The following NSMCE2 variants were observed in gnomAD, a reference collection of about 807,000 sequenced individuals.
The protein encoded by NSMCE2 is NSE2 SUMO ligase component of SMC5/6 complex.
NSMCE2 carries 24 observed loss-of-function variants against 23.8 expected under a neutral mutation model. That is an observed-to-expected ratio of 1.01 (90% CI 0.73 to 1.42). NSMCE2 has a LOEUF of 1.42. Among genes scored for constraint, NSMCE2 ranks in the 40% most tolerant of loss-of-function variants. The pLI is 0.00. For missense variants in NSMCE2, 284 were observed against 296.5 expected (o/e 0.96, Z 0.31); for synonymous variants, 92 against 94.1 (o/e 0.98, Z 0.13).
chr8:125,275,007 TA>T (rs1370032040), intron 5 of NSMCE2, among the ~76,000 whole-genome samples: 107 of 82,216 alleles, frequency 1.3e-3, no homozygotes, highest in African/African-American at 5.2e-3. Context: ...ATGATAATAA[TA>T]ATAATAATAA....
At chr8:125,273,536 C>T (rs995053314) in intron 5 of NSMCE2, among the ~76,000 whole-genome samples, 4 of 152,186 alleles carry the variant, frequency 2.6e-5, no homozygotes, top group African/African-American at 7.2e-5. Flanking sequence ...CTTCCTACAG[C>T]GTCCTAAATT....
intron 7 of NSMCE2, among the ~76,000 whole-genome samples, chr8:125,365,716 G>A (rs1412085755): frequency 1.3e-5 from 2 of 152,076 alleles, no homozygotes; most frequent in Non-Finnish European, 2.9e-5. Flanking sequence ...AATTAGCCAG[G>A]CATGGTGGCA....
chr8:125,123,377 T>C (rs1819359707), intron 3 of NSMCE2, among the ~76,000 whole-genome samples: 1 of 152,240 alleles, frequency 6.6e-6, no homozygotes, highest in Non-Finnish European at 1.5e-5. Context: ...GCACCTTCTC[T>C]CTGAAATATA....
chr8:125,245,604 T>TA (rs933127560), intron 5 of NSMCE2, among the ~76,000 whole-genome samples: 88 of 151,252 alleles, frequency 5.8e-4, no homozygotes, highest in African/African-American at 1.8e-3. Context: ...AGGAAAAATC[T>TA]AAAAAAAATA....
intron 5 of NSMCE2, among the ~76,000 whole-genome samples, chr8:125,262,426 A>AAAAT (rs1036908605): frequency 6.6e-6 from 1 of 152,204 alleles, no homozygotes; most frequent in Admixed American, 6.5e-5. Flanking sequence ...TCCCTCTCAA[A>AAAAT]AAATAAATAA....
intron 5 of NSMCE2, among the ~76,000 whole-genome samples, chr8:125,333,703 C>T (rs546246281): frequency 2.4e-4 from 37 of 151,340 alleles, no homozygotes; most frequent in Non-Finnish European, 4.1e-4. Flanking sequence ...TTAGTAGAGA[C>T]GGGGTTTCAC....
At chr8:125,146,021 T>C (rs908688698) in intron 3 of NSMCE2, among the ~76,000 whole-genome samples, 1 of 152,198 alleles carries the variant, frequency 6.6e-6, no homozygotes, top group African/African-American at 2.4e-5. Context: ...GAAAAATAAT[T>C]TTCTTTTTGT....
intron 5 of NSMCE2, among the ~76,000 whole-genome samples, chr8:125,219,420 A>C (rs1486603439): frequency 6.6e-6 from 1 of 152,188 alleles, no homozygotes; most frequent in Non-Finnish European, 1.5e-5. Context: ...GTACTTTAAA[A>C]GCAAAAATAG....
chr8:125,313,234 AAG>A (rs1478102391), intron 5 of NSMCE2, among the ~76,000 whole-genome samples: 5 of 148,814 alleles, frequency 3.4e-5, no homozygotes, highest in Non-Finnish European at 7.5e-5. Context: ...AAAAAGAAGA[AAG>A]AAAGAAAGAA....
At chr8:125,094,203 AT>A (rs1817819642) in intron 1 of NSMCE2, among the ~76,000 whole-genome samples, 1 of 152,186 alleles carries the variant, frequency 6.6e-6, no homozygotes, top group Non-Finnish European at 1.5e-5. Context: ...TAATTTATTC[AT>A]TTATTGACTA....
intron 5 of NSMCE2, among the ~76,000 whole-genome samples, chr8:125,206,055 A>C (rs184232760): frequency 8.7e-4 from 132 of 152,324 alleles, no homozygotes; most frequent in African/African-American, 3.2e-3. Flanking sequence ...GAGCTTTGTG[A>C]AAATTATCTA....
chr8:125,170,569 G>A (rs1215922714), intron 4 of NSMCE2, among the ~76,000 whole-genome samples: 2 of 151,380 alleles, frequency 1.3e-5, no homozygotes, highest in South Asian at 2.1e-4. Flanking sequence ...CACCATGCCC[G>A]ACTAACTTTT....
At chr8:125,193,043 T>A (rs1453501289) in intron 5 of NSMCE2, among the ~76,000 whole-genome samples, 2 of 152,234 alleles carry the variant, frequency 1.3e-5, no homozygotes, top group East Asian at 3.8e-4. Context: ...AGGCTAGTTA[T>A]GTAAAATATG....
chr8:125,148,286 C>T lies in NSMCE2; in HGVS notation c.158-2885C>T, dbSNP rs563502420. 4.6e-5 allele frequency among the ~76,000 whole-genome samples: 7 copies of T among 152,270 alleles called. No individual in the cohort carries two copies. The South Asian group carries it at 1.5e-3, about 32-fold the overall frequency. ...CAAGCCTTGCCCATTTCCTCCTTTG[C>T]AGGAAGGTCTCTTTGGCCTTGAACC... On this transcript the variant is annotated intron_variant, in intron 3 of 7. Transcript: ENST00000287437.
At chr8:125,338,793 T>C (rs1190335922) in intron 5 of NSMCE2, among the ~76,000 whole-genome samples, 1 of 152,226 alleles carries the variant, frequency 6.6e-6, no homozygotes, top group Non-Finnish European at 1.5e-5. Flanking sequence ...GTAATAAATA[T>C]GGTATGCATG....
chr8:125,351,594 CTTGT>C (rs1813037708), intron 5 of NSMCE2, among the ~76,000 whole-genome samples: 1 of 152,132 alleles, frequency 6.6e-6, no homozygotes, highest in Non-Finnish European at 1.5e-5. Context: ...GACTAGTTTG[CTTGT>C]TTTTCTACTT....
intron 5 of NSMCE2, among the ~76,000 whole-genome samples, chr8:125,189,350 C>T (rs899620115): frequency 2.6e-5 from 4 of 152,154 alleles, no homozygotes; most frequent in African/African-American, 4.8e-5. Context: ...AACTGATACT[C>T]GATTTGCTAA....
intron 4 of NSMCE2, among the ~76,000 whole-genome samples, chr8:125,173,292 G>T (rs1359090654): frequency 6.6e-6 from 1 of 152,196 alleles, no homozygotes; most frequent in African/African-American, 2.4e-5. Flanking sequence ...CGCAGTGATG[G>T]GGGAATTGCA....
chr8:125,150,071 A>G (rs1820911544), intron 3 of NSMCE2, among the ~76,000 whole-genome samples: 1 of 152,160 alleles, frequency 6.6e-6, no homozygotes, highest in Non-Finnish European at 1.5e-5. Context: ...AGGGGAACCC[A>G]GGCTGCTGCA....
Sources: allele counts gnomAD v4.1 joint callset (sites outside exome capture counted in the v4.1 genomes callset), GRCh38; gene constraint gnomAD v4.1.1; transcripts MANE v1.5; gene names NCBI Gene and HGNC (gene_info 2026-07-23, HGNC 2026-07-21).